The following FOCAD variants were observed in gnomAD, a reference collection of about 807,000 sequenced individuals.
FOCAD encodes the protein focadhesin.
In FOCAD, 198 loss-of-function variants were observed where a neutral mutation model predicts 225.6. The ratio of observed to expected loss-of-function variants is 0.88; its 90% CI spans 0.78 to 0.99. The LOEUF is 0.99. Among genes scored for constraint, FOCAD ranks in the 50% least tolerant of loss-of-function variants. FOCAD has a pLI of 0.00. For synonymous variants in FOCAD, 897 were observed against 755.0 expected (o/e 1.19, Z -3.08); for missense variants, 2,713 against 2,123.6 (o/e 1.28, Z -5.46).
intron 4 of FOCAD, among the ~76,000 whole-genome samples, chr9:20,731,650 T>A (rs1826713232): frequency 6.6e-6 from 1 of 152,082 alleles, no homozygotes; most frequent in African/African-American, 2.4e-5. Context: ...AGAGTTTCGT[T>A]CTTGTTGCCC....
intron 2 of FOCAD, among the ~76,000 whole-genome samples, chr9:20,660,637 GAAGACC>G (rs1166802458): frequency 6.6e-6 from 1 of 152,176 alleles, no homozygotes; most frequent in Non-Finnish European, 1.5e-5. Context: ...ATGATGGAAG[GAAGACC>G]AAGATGAGAA....
At chr9:20,900,296 G>A (rs575829612) in intron 21 of FOCAD, among the ~76,000 whole-genome samples, 6 of 151,830 alleles carry the variant, frequency 4.0e-5, no homozygotes, top group South Asian at 2.1e-4. Context: ...CCATATTTCC[G>A]CCTCAGCATT....
intron 1 of FOCAD, among the ~76,000 whole-genome samples, chr9:20,692,796 C>T (rs1457989172): frequency 6.6e-6 from 1 of 152,182 alleles, no homozygotes; most frequent in Non-Finnish European, 1.5e-5. Context: ...ACTTTCCCTG[C>T]TGTTGGTGAG....
At chr9:20,794,657 G>C (rs1460976805) in intron 11 of FOCAD, among the ~76,000 whole-genome samples, 1 of 152,132 alleles carries the variant, frequency 6.6e-6, no homozygotes, top group East Asian at 1.9e-4. Context: ...GAACCTCAAG[G>C]ATGAAGGGAA....
At position 20,990,272 on chromosome 9, in the gene FOCAD, G is replaced by A; in HGVS notation, c.5154G>A (p.Arg1718=). 6.2e-7 allele frequency: 1 copy of A among 1,614,162 alleles called. No individual in the cohort carries two copies. The highest frequency in any genetic ancestry group is 8.5e-7 in the Non-Finnish European group (1 of 1,180,018). ...PAGPVPSFLG[R]SPMHRVTLQE... ...GGCCAGTACCAAGCTTCCTTGGCAG[G>A]AGTCCAATGCACAGGGTCACTCTGC... The change falls in exon 42 of 44, where the codon AGG becomes AGA. Residue 1718 remains arginine (R), a synonymous_variant. Transcript: ENST00000338382.
At chr9:20,672,654 T>C (rs1488984799) in intron 2 of FOCAD, among the ~76,000 whole-genome samples, 3 of 152,214 alleles carry the variant, frequency 2.0e-5, no homozygotes, top group East Asian at 1.9e-4. Flanking sequence ...TCTCGCCACA[T>C]TGGCCGGGCT....
Position 20,671,866 on chromosome 9 carries a change from C to A in FOCAD, c.-78+13040C>A, listed in dbSNP as rs578150481. On this transcript the variant is annotated intron_variant, in intron 2 of 45. Transcript: ENST00000380249. Reference sequence around the variant, plus strand: ...TGCTGCCGCTGGCTTGTACAGGCTCCTGAGAGCTAATTGTGTACACCTCTT... The same window carrying A: ...TGCTGCCGCTGGCTTGTACAGGCTCATGAGAGCTAATTGTGTACACCTCTT... Among the ~76,000 whole-genome samples the A allele has an allele frequency of 4.6e-5, 7 of 152,278 alleles. No homozygotes were observed. The South Asian group carries it at 1.2e-3, about 27-fold the overall frequency.
intron 2 of FOCAD, among the ~76,000 whole-genome samples, chr9:20,669,554 C>G (rs912752494): frequency 6.6e-6 from 1 of 152,146 alleles, no homozygotes; most frequent in African/African-American, 2.4e-5. Context: ...GCGGGCAGAT[C>G]ACTTGAGATC....
intron 24 of FOCAD, among the ~76,000 whole-genome samples, chr9:20,919,641 T>C (rs1335552626): frequency 3.3e-5 from 5 of 151,930 alleles, no homozygotes; most frequent in Admixed American, 3.3e-4. Context: ...AGAACAGAGC[T>C]CTCAGAAATA....
chr9:20,831,723 A>G (rs531783384), intron 15 of FOCAD, among the ~76,000 whole-genome samples: 1 of 152,168 alleles, frequency 6.6e-6, no homozygotes, highest in African/African-American at 2.4e-5. Flanking sequence ...ATTCATAAAT[A>G]TACAATTCAC....
chr9:20,836,926 G>A (rs1005935532), intron 15 of FOCAD, among the ~76,000 whole-genome samples: 1 of 151,982 alleles, frequency 6.6e-6, no homozygotes, highest in Admixed American at 6.6e-5. Context: ...ATGGAAAGTT[G>A]AATGCTATAT....
intron 21 of FOCAD, among the ~76,000 whole-genome samples, chr9:20,902,186 C>G (rs1409315541): frequency 2.0e-5 from 3 of 151,830 alleles, no homozygotes; most frequent in Non-Finnish European, 4.4e-5. Flanking sequence ...ACCTCTGCTC[C>G]TTAGGATTGT....
chr9:20,962,732 A>C (rs1022955671), intron 35 of FOCAD, among the ~76,000 whole-genome samples: 1 of 152,206 alleles, frequency 6.6e-6, no homozygotes, highest in African/African-American at 2.4e-5. Context: ...TGAGGCTGTC[A>C]ACTGGATGAG....
At chr9:20,694,596 A>C (rs7869373) in intron 1 of FOCAD, 2 of 152,008 alleles carry the variant, frequency 1.3e-5, no homozygotes, top group Non-Finnish European at 2.9e-5. Flanking sequence ...TCACATTGCA[A>C]TCTTGCAATC....
In FOCAD at chr9:20,917,735, A is replaced by G. The variant is rs546416083; in HGVS notation, c.2852+798A>G. ...ATATCATCCAGAAATTTTTAATTGT[A>G]GTATAGTTTATCCTTTTCATGTCAC... is the stretch of plus-strand genomic sequence containing the variant. On this transcript the variant is annotated intron_variant, in intron 24 of 43. Coordinates refer to ENST00000338382, the MANE Select transcript of FOCAD (RefSeq NM_001375567.1). Among the ~76,000 whole-genome samples the G allele has an allele frequency of 4.6e-5, 7 of 152,288 alleles. No individual in the cohort carries two copies. In the South Asian group the frequency reaches 1.5e-3, roughly 32 times the overall value.
At chr9:20,801,724 T>C (rs541229115) in intron 11 of FOCAD, among the ~76,000 whole-genome samples, 1 of 152,120 alleles carries the variant, frequency 6.6e-6, no homozygotes, top group Non-Finnish European at 1.5e-5. Context: ...TAGCAGTACT[T>C]TTCTATTGTA....
At chr9:20,656,472 G>GTATA (rs1821479823), upstream of FOCAD, among the ~76,000 whole-genome samples, 1 of 152,160 alleles carries the variant, frequency 6.6e-6, no homozygotes, top group Non-Finnish European at 1.5e-5. Flanking sequence ...TGTATTGGGT[G>GTATA]TATATATATT....
intron 4 of FOCAD, among the ~76,000 whole-genome samples, chr9:20,729,487 G>T (rs1450398089): frequency 6.6e-6 from 1 of 152,110 alleles, no homozygotes; most frequent in Non-Finnish European, 1.5e-5. Context: ...TATCTACAAA[G>T]ACCCTATTTC....
chr9:20,810,944 C>T (rs1822998282), intron 11 of FOCAD, among the ~76,000 whole-genome samples: 1 of 151,990 alleles, frequency 6.6e-6, no homozygotes, highest in Non-Finnish European at 1.5e-5. Flanking sequence ...ACCTCAGATT[C>T]TGATGATGTT....
Sources: gnomAD v4.1 joint callset for allele counts (sites outside exome capture counted in the v4.1 genomes callset) on GRCh38, gnomAD v4.1.1 for gene constraint, MANE v1.5 for transcripts, NCBI Gene and HGNC (gene_info 2026-07-23, HGNC 2026-07-21) for gene names.